ZNG1C: variants seen among roughly 807,000 people sequenced by gnomAD.
The protein encoded by ZNG1C is Zn regulated GTPase metalloprotein activator 1C.
the ZNG1C span, chr9:68,251,025 G>A: frequency 2.9e-6 from 1 of 348,694 alleles, no homozygotes; most frequent in East Asian, 7.5e-5. Context: ...GCTGCAGTGA[G>A]TCATGATTGC....
chr9:68,282,935 TAC>T, the ZNG1C span, among the ~76,000 whole-genome samples: 2 of 123,930 alleles, frequency 1.6e-5, no homozygotes, highest in Admixed American at 9.2e-5. Context: ...ATACCTGAAT[TAC>T]ATGTGAGTTA....
the ZNG1C span, among the ~76,000 whole-genome samples, chr9:68,256,672 T>A: frequency 7.5e-6 from 1 of 132,676 alleles, no homozygotes; most frequent in African/African-American, 2.9e-5. Context: ...TTTGTTTATA[T>A]GTGGTTAGAA....
At chr9:68,296,621 CT>C in the ZNG1C span, among the ~76,000 whole-genome samples, 1 of 152,236 alleles carries the variant, frequency 6.6e-6, no homozygotes. Context: ...ATACGCAGTT[CT>C]AGGAAGTTAT....
chr9:68,287,587 T>C, the ZNG1C span, among the ~76,000 whole-genome samples: 3 of 152,306 alleles, frequency 2.0e-5, no homozygotes. Flanking sequence ...ATTTCAAACG[T>C]GCATAAGAGT....
the ZNG1C span, among the ~76,000 whole-genome samples, chr9:68,276,155 GC>G: frequency 7.5e-6 from 1 of 133,902 alleles, no homozygotes; most frequent in Non-Finnish European, 1.6e-5. Context: ...GGGGTGGTTT[GC>G]TTTTTTCTTG....
At chr9:68,247,563 T>A in the ZNG1C span, 1 of 978,694 alleles carries the variant, frequency 1.0e-6, no homozygotes, top group South Asian at 1.7e-5. Context: ...CTTTGTTTTT[T>A]GTTGGCTAAT....
chr9:68,276,280 T>C, the ZNG1C span, among the ~76,000 whole-genome samples: 376 of 131,510 alleles, frequency 2.9e-3, 4 homozygotes, highest in African/African-American at 1.0e-2. Context: ...TGGTAGTTTC[T>C]TTTGCTGTGC....
chr9:68,244,161 T>C, the ZNG1C span, among the ~76,000 whole-genome samples: 3 of 50,164 alleles, frequency 6.0e-5, no homozygotes, highest in African/African-American at 1.4e-4. Flanking sequence ...TTTTTTTTTT[T>C]CATAATATGG....
At chr9:68,245,336 T>C in the ZNG1C span, 1 of 17,550 alleles carries the variant, frequency 5.7e-5, no homozygotes, top group East Asian at 8.1e-4. Flanking sequence ...TTGCAAGATT[T>C]TGTGTGACTG....
At chr9:68,256,510 A>G in the ZNG1C span, among the ~76,000 whole-genome samples, 5 of 104,722 alleles carry the variant, frequency 4.8e-5, no homozygotes, top group Admixed American at 1.1e-4. Flanking sequence ...CTTTTCCTTT[A>G]GAGTGATAAT....
chr9:68,261,865 CTATGTAATATAAAATATTTAAAAAA>C, the ZNG1C span, among the ~76,000 whole-genome samples: 1 of 18,454 alleles, frequency 5.4e-5, no homozygotes, highest in South Asian at 1.7e-3. Context: ...CTTTGGACAT[CTATGTAATATAAAATATTTAAAAAA>C]TATTTTGCAA....
chr9:68,249,243 G>A, the ZNG1C span, among the ~76,000 whole-genome samples: 2 of 151,100 alleles, frequency 1.3e-5, no homozygotes, highest in East Asian at 3.9e-4. Context: ...TGGCGTATTA[G>A]TTCCAGAACC....
chr9:68,274,440 G>T, the ZNG1C span: 1 of 178,118 alleles, frequency 5.6e-6, no homozygotes, highest in Admixed American at 5.7e-5. Context: ...TTTGTACATT[G>T]GTTATTTGAC....
chr9:68,280,292 CCTT>C, the ZNG1C span, among the ~76,000 whole-genome samples: 12 of 147,670 alleles, frequency 8.1e-5, no homozygotes, highest in African/African-American at 2.7e-4. Context: ...TCGTCTGAAG[CCTT>C]CTTCTCTCAG....
the ZNG1C span, among the ~76,000 whole-genome samples, chr9:68,272,226 T>C: frequency 7.5e-6 from 1 of 134,044 alleles, no homozygotes; most frequent in East Asian, 2.0e-4. Context: ...TCGTTTTCAC[T>C]CTCCTGTCCT....
the ZNG1C span, chr9:68,299,425 AC>A: frequency 1.9e-6 from 1 of 526,210 alleles, no homozygotes; most frequent in Non-Finnish European, 3.3e-6. Context: ...TGATAGGTGA[AC>A]TGTGTCATTT....
the ZNG1C span, among the ~76,000 whole-genome samples, chr9:68,263,024 C>T: frequency 9.4e-3 from 1,387 of 147,178 alleles, no homozygotes; most frequent in South Asian, 0.036. Context: ...GTAGAAGTAT[C>T]ATTGCCATGA....
chr9:68,265,347 A>AT, the ZNG1C span, among the ~76,000 whole-genome samples: 3 of 81,702 alleles, frequency 3.7e-5, no homozygotes, highest in Non-Finnish European at 7.2e-5. Flanking sequence ...TAGTTTTGAG[A>AT]ATTTAGTTGT....
At chr9:68,257,600 A>G in the ZNG1C span, among the ~76,000 whole-genome samples, 7 of 116,128 alleles carry the variant, frequency 6.0e-5, no homozygotes, top group Admixed American at 9.3e-5. Flanking sequence ...TGCCCTTAAT[A>G]TAATGTTAGA....
Sources: allele counts gnomAD v4.1 joint callset (sites outside exome capture counted in the v4.1 genomes callset), GRCh38; gene constraint gnomAD v4.1.1; transcripts MANE v1.5; gene names NCBI Gene and HGNC (gene_info 2026-07-23, HGNC 2026-07-21).